The following PIGK variants were observed in gnomAD, a reference collection of about 807,000 sequenced individuals.
The protein encoded by PIGK is phosphatidylinositol glycan anchor biosynthesis class K.
A neutral mutation model predicts 50.6 loss-of-function variants in PIGK; 42 were observed. The ratio of observed to expected loss-of-function variants is 0.83; its 90% CI spans 0.65 to 1.07. PIGK has a LOEUF of 1.07. Ranked by LOEUF, PIGK falls within the 50% of genes least tolerant of loss-of-function variation. PIGK has a pLI of 0.00. For synonymous variants in PIGK, 151 were observed against 156.0 expected, an observed-to-expected ratio of 0.97 and a Z score of 0.24; for missense variants, 448 against 488.7, an observed-to-expected ratio of 0.92 and a Z score of 0.78.
At chr1:77,119,191 C>T (rs968397041) in intron 10 of PIGK, among the ~76,000 whole-genome samples, 5 of 152,108 alleles carry the variant, frequency 3.3e-5, no homozygotes, top group African/African-American at 1.2e-4. Context: ...TTTTTCCTAA[C>T]ATTAAAAAAG....
chr1:77,168,129 CA>C (rs1655274736), intron 4 of PIGK, among the ~76,000 whole-genome samples: 1 of 152,078 alleles, frequency 6.6e-6, no homozygotes, highest in Non-Finnish European at 1.5e-5. Flanking sequence ...GTAAAAAATT[CA>C]TAACACTTTA....
At chr1:77,131,805 G>T (rs989013751) in intron 9 of PIGK, among the ~76,000 whole-genome samples, 2 of 151,962 alleles carry the variant, frequency 1.3e-5, no homozygotes, top group African/African-American at 4.8e-5. Context: ...TTTTATTTAA[G>T]ATTTGTACAT....
rs376602954 is a variant in PIGK at position 77,105,260 on chromosome 1, T to C, written c.1072-12770A>G. Among the ~76,000 whole-genome samples the C allele has an allele frequency of 7.0e-3, 986 of 140,702 alleles. 11 individuals carry two copies. Among genetic ancestry groups the C allele is most frequent in the African/African-American group, 0.023 (938 of 40,562 alleles). 92.3% of individuals were successfully genotyped at this position (140,702 alleles called of 152,430 possible). ...CCCTCCCTACCAACTGAGTCTGGGG[T>C]CTTTATAAGCACAGGATGGGGGTGG... On this transcript the variant is annotated intron_variant, in intron 10 of 10. Coordinates refer to ENST00000370812, the MANE Select transcript of PIGK (RefSeq NM_005482.3).
intron 3 of PIGK, among the ~76,000 whole-genome samples, chr1:77,178,400 G>A (rs1655534184): frequency 6.6e-6 from 1 of 152,178 alleles, no homozygotes; most frequent in Non-Finnish European, 1.5e-5. Context: ...CTCTATAGCA[G>A]ATTCTACTGT....
intron 10 of PIGK, among the ~76,000 whole-genome samples, chr1:77,109,420 T>G (rs1381564976): frequency 3.9e-5 from 6 of 152,184 alleles, no homozygotes. Context: ...CATGATCAAG[T>G]GGGCTTCATC....
chr1:77,105,464 G>A (rs572272191), intron 10 of PIGK, among the ~76,000 whole-genome samples: 8 of 151,740 alleles, frequency 5.3e-5, no homozygotes, highest in South Asian at 2.1e-4. Flanking sequence ...AGAATTTCTC[G>A]GTCTCCTGCC....
intron 1 of PIGK, among the ~76,000 whole-genome samples, chr1:77,217,472 T>C (rs1656595256): frequency 6.6e-6 from 1 of 152,148 alleles, no homozygotes; most frequent in Admixed American, 6.5e-5. Context: ...TGAAGTGTAG[T>C]CAGGGCCCAA....
intron 3 of PIGK, among the ~76,000 whole-genome samples, chr1:77,173,944 T>C (rs1557814063): frequency 6.6e-6 from 1 of 152,244 alleles, no homozygotes; most frequent in Non-Finnish European, 1.5e-5. Flanking sequence ...TTGGGGTTCA[T>C]GTCATAGCTA....
chr1:77,158,287 G>A (rs1286463514), intron 8 of PIGK, among the ~76,000 whole-genome samples: 1 of 151,790 alleles, frequency 6.6e-6, no homozygotes, highest in Non-Finnish European at 1.5e-5. Context: ...AAAGTGCTGG[G>A]ATTACAGGCA....
intron 2 of PIGK, among the ~76,000 whole-genome samples, chr1:77,208,565 T>A (rs1399475270): frequency 6.6e-6 from 1 of 152,176 alleles, no homozygotes; most frequent in African/African-American, 2.4e-5. Context: ...AAAAAGTTTA[T>A]CCTGTCAAAT....
chr1:77,097,907 T>C (rs1026352002), intron 10 of PIGK, among the ~76,000 whole-genome samples: 1 of 151,870 alleles, frequency 6.6e-6, no homozygotes, highest in Non-Finnish European at 1.5e-5. Context: ...ACCCATAACA[T>C]GAGATGTAAG....
chr1:77,121,737 T>C (rs1457423956), intron 10 of PIGK, among the ~76,000 whole-genome samples: 2 of 152,230 alleles, frequency 1.3e-5, no homozygotes, highest in Non-Finnish European at 2.9e-5. Flanking sequence ...TAAGCTTACA[T>C]GCTTACAACA....
At chr1:77,110,818 C>G (rs1390903241) in intron 10 of PIGK, among the ~76,000 whole-genome samples, 1 of 152,254 alleles carries the variant, frequency 6.6e-6, no homozygotes, top group African/African-American at 2.4e-5. Context: ...TCAGAGTGAA[C>G]AGGCAACCTA....
intron 10 of PIGK, among the ~76,000 whole-genome samples, chr1:77,117,786 T>C (rs577739830): frequency 3.3e-5 from 5 of 152,228 alleles, no homozygotes; most frequent in Non-Finnish European, 5.9e-5. Context: ...TCTATTTTTA[T>C]GTCTTTGTTT....
At chr1:77,157,064 T>G (rs1655025124) in intron 8 of PIGK, among the ~76,000 whole-genome samples, 1 of 152,226 alleles carries the variant, frequency 6.6e-6, no homozygotes, top group Non-Finnish European at 1.5e-5. Context: ...AAATGTGCTC[T>G]TCAACTGTCA....
chr1:77,112,461 GTTT>G (rs1653876777), intron 10 of PIGK, among the ~76,000 whole-genome samples: 1 of 152,046 alleles, frequency 6.6e-6, no homozygotes, highest in African/African-American at 2.4e-5. Flanking sequence ...TTCTGGTAAT[GTTT>G]TTGGTGGATC....
intron 10 of PIGK, among the ~76,000 whole-genome samples, chr1:77,107,866 T>A (rs1328870663): frequency 1.3e-5 from 2 of 152,204 alleles, no homozygotes; most frequent in African/African-American, 4.8e-5. Flanking sequence ...TCTCTTTTGA[T>A]CTTTGTTGGT....
intron 4 of PIGK, among the ~76,000 whole-genome samples, chr1:77,167,581 G>C (rs972234542): frequency 1.3e-5 from 2 of 150,878 alleles, no homozygotes; most frequent in African/African-American, 4.9e-5. Context: ...CCCATCTCTG[G>C]AAAAATAAAA....
At chr1:77,202,863 T>C (rs1044932632) in intron 3 of PIGK, among the ~76,000 whole-genome samples, 1 of 152,136 alleles carries the variant, frequency 6.6e-6, no homozygotes, top group Admixed American at 6.6e-5. Context: ...AACTAAATCT[T>C]TTGCACTCAG....
Sources: gnomAD v4.1 joint callset for allele counts (sites outside exome capture counted in the v4.1 genomes callset) on GRCh38, gnomAD v4.1.1 for gene constraint, MANE v1.5 for transcripts, NCBI Gene and HGNC (gene_info 2026-07-23, HGNC 2026-07-21) for gene names.